The following MPP7 variants were observed in gnomAD, a reference collection of about 807,000 sequenced individuals.
MPP7 encodes MAGUK p55 subfamily member 7.
MPP7 carries 60 observed loss-of-function variants against 76.5 expected under a neutral mutation model. The ratio of observed to expected loss-of-function variants is 0.78; its 90% CI spans 0.64 to 0.97. The LOEUF (loss-of-function observed/expected upper bound fraction) is 0.97. Among genes scored for constraint, MPP7 ranks in the 50% least tolerant of loss-of-function variants. The probability of loss-of-function intolerance (pLI) is 0.00; values close to 1 mark genes in which losing one functional copy is unlikely to be tolerated. For missense variants in MPP7, 641 were observed against 694.0 expected (o/e 0.92, Z 0.86); for synonymous variants, 237 against 244.5 (o/e 0.97, Z 0.29).
chr10:28,257,645 A>C lies in MPP7; in HGVS notation c.-131-18910T>G, dbSNP rs190005650. On this transcript the variant is annotated intron_variant, in intron 1 of 16. Coordinates refer to ENST00000683449, the MANE Select transcript of MPP7 (RefSeq NM_001318170.2). Reference sequence around the variant, plus strand: ...AGCATTGGGAGATATACCTAATGCTAGATGACGAGTTAGTGGGTGCAGCGC... The same window carrying C: ...AGCATTGGGAGATATACCTAATGCTCGATGACGAGTTAGTGGGTGCAGCGC... Among the ~76,000 whole-genome samples, 715 of 150,214 alleles carry C rather than the reference A, an allele frequency of 4.8e-3. 8 individuals are homozygous for C. Among genetic ancestry groups the C allele is most frequent in the African/African-American group, 0.017 (698 of 40,860 alleles).
intron 1 of MPP7, among the ~76,000 whole-genome samples, chr10:28,300,278 C>T (rs1841125662): frequency 6.6e-6 from 1 of 152,092 alleles, no homozygotes; most frequent in African/African-American, 2.4e-5. Flanking sequence ...GTCACAGAAA[C>T]TCTGAAAACC....
In MPP7 at chr10:28,238,754, T is replaced by C. The variant is rs1839165354; in HGVS notation, c.-131-19A>G. On this transcript the variant is annotated intron_variant, in intron 1 of 16. Coordinates refer to ENST00000683449, the MANE Select transcript of MPP7 (RefSeq NM_001318170.2). ...GCCGTTTCTAGAAAGGAAAGAAACA[T>C]TTATATTTTTTAAAAAGGGACCATC... is the stretch of plus-strand genomic sequence containing the variant. The C allele has an allele frequency of 1.5e-6, 1 of 688,260 alleles. No homozygotes were observed. Among genetic ancestry groups the C allele is most frequent in the Non-Finnish European group, 2.4e-6 (1 of 410,798 alleles). 42.6% of individuals were successfully genotyped at this position (688,260 alleles called of 1,614,324 possible).
intron 6 of MPP7, among the ~76,000 whole-genome samples, chr10:28,126,891 T>C (rs1835034075): frequency 6.6e-6 from 1 of 151,988 alleles, no homozygotes; most frequent in African/African-American, 2.4e-5. Flanking sequence ...CAAGTAAAGG[T>C]AACAATTAGA....
chr10:28,155,098 AC>A (rs1289946972), intron 3 of MPP7, among the ~76,000 whole-genome samples: 6 of 152,190 alleles, frequency 3.9e-5, no homozygotes, highest in African/African-American at 1.4e-4. Flanking sequence ...TAGTTTTGTA[AC>A]AAAAGATGGA....
At chr10:28,258,408 A>AT (rs985107617) in intron 1 of MPP7, among the ~76,000 whole-genome samples, 1 of 141,922 alleles carries the variant, frequency 7.0e-6, no homozygotes, top group Non-Finnish European at 1.5e-5. Context: ...ATATATATAA[A>AT]TTTTTTTTTG....
chr10:28,250,273 G>A (rs956577468), intron 1 of MPP7, among the ~76,000 whole-genome samples: 4 of 152,198 alleles, frequency 2.6e-5, no homozygotes, highest in Non-Finnish European at 5.9e-5. Context: ...AGAGGCGGAG[G>A]AGAGGGAGAG....
intron 3 of MPP7, among the ~76,000 whole-genome samples, chr10:28,162,993 A>C (rs1288842987): frequency 1.3e-5 from 2 of 152,162 alleles, no homozygotes; most frequent in Non-Finnish European, 2.9e-5. Flanking sequence ...ATAGTCCAGG[A>C]TAATCTTCCT....
intron 1 of MPP7, among the ~76,000 whole-genome samples, chr10:28,262,856 C>T (rs1157061467): frequency 6.6e-6 from 1 of 152,002 alleles, no homozygotes; most frequent in African/African-American, 2.4e-5. Flanking sequence ...AGGAGTTAGG[C>T]ATGAGCCTGA....
chr10:28,166,715 T>C (rs1836475326), intron 3 of MPP7, among the ~76,000 whole-genome samples: 1 of 152,084 alleles, frequency 6.6e-6, no homozygotes, highest in South Asian at 2.1e-4. Context: ...CCTTATCTTT[T>C]AATTTTTAAA....
intron 11 of MPP7, among the ~76,000 whole-genome samples, chr10:28,101,830 T>C (rs1234655517): frequency 2.6e-5 from 4 of 152,126 alleles, no homozygotes; most frequent in Non-Finnish European, 5.9e-5. Flanking sequence ...GAATTTTTAA[T>C]GCTGATGGTT....
intron 1 of MPP7, among the ~76,000 whole-genome samples, chr10:28,261,084 C>G (rs532585711): frequency 1.3e-5 from 2 of 152,306 alleles, no homozygotes; most frequent in East Asian, 3.9e-4. Flanking sequence ...TATCTTTAAT[C>G]TTTCAACTAA....
At chr10:28,069,091 C>G (rs1448961930) in intron 13 of MPP7, among the ~76,000 whole-genome samples, 2 of 152,032 alleles carry the variant, frequency 1.3e-5, no homozygotes, top group African/African-American at 4.8e-5. Context: ...TTGGTAAGTA[C>G]TAAGCAATCA....
intron 3 of MPP7, among the ~76,000 whole-genome samples, chr10:28,200,763 C>T (rs530556784): frequency 4.8e-4 from 73 of 152,244 alleles, no homozygotes; most frequent in African/African-American, 1.6e-3. Flanking sequence ...ACCCTGTAAA[C>T]AGATATTATA....
intron 11 of MPP7, among the ~76,000 whole-genome samples, chr10:28,102,047 C>T (rs1853850519): frequency 6.6e-6 from 1 of 151,638 alleles, no homozygotes; most frequent in East Asian, 2.0e-4. Flanking sequence ...TACAGGCAGC[C>T]CTTGACTTGC....
intron 3 of MPP7, among the ~76,000 whole-genome samples, chr10:28,172,637 A>G (rs1329630981): frequency 6.6e-6 from 1 of 152,250 alleles, no homozygotes; most frequent in Non-Finnish European, 1.5e-5. Context: ...CTAATAAAGC[A>G]TGAAAGAACT....
At chr10:28,151,218 G>A (rs1835873359) in intron 3 of MPP7, among the ~76,000 whole-genome samples, 2 of 152,152 alleles carry the variant, frequency 1.3e-5, no homozygotes, top group Non-Finnish European at 1.5e-5. Context: ...ACAATGTAAA[G>A]CTTCAGGGAA....
At chr10:28,079,330 CT>C (rs1852646686) in intron 12 of MPP7, among the ~76,000 whole-genome samples, 2 of 151,590 alleles carry the variant, frequency 1.3e-5, no homozygotes, top group Non-Finnish European at 2.9e-5. Context: ...TTTTTTAAAT[CT>C]GATACAGACA....
intron 11 of MPP7, among the ~76,000 whole-genome samples, chr10:28,115,096 T>G (rs910465389): frequency 3.7e-5 from 5 of 136,142 alleles, no homozygotes; most frequent in South Asian, 2.5e-4. Context: ...TTGTTTGTTT[T>G]GTTTTTTGTT....
At chr10:28,100,121 TA>T (rs10552894) in intron 11 of MPP7, among the ~76,000 whole-genome samples, 14,014 of 139,778 alleles carry the variant, frequency 0.1, 1,092 homozygotes, top group African/African-American at 0.2. Context: ...TTAAGAAGAT[TA>T]AAAAAAAAAA....
Sources: gnomAD v4.1 joint callset for allele counts (sites outside exome capture counted in the v4.1 genomes callset) on GRCh38, gnomAD v4.1.1 for gene constraint, MANE v1.5 for transcripts, NCBI Gene and HGNC (gene_info 2026-07-23, HGNC 2026-07-21) for gene names.